The following SLC7A14 variants were observed in gnomAD, a reference collection of about 807,000 sequenced individuals.
The protein encoded by SLC7A14 is gamma-aminobutyric acid transporter SLC7A14.
SLC7A14 carries 37 observed loss-of-function variants against 60.2 expected under a neutral mutation model. That is an observed-to-expected ratio of 0.61 (90% confidence interval 0.47 to 0.81). SLC7A14 has a LOEUF of 0.81. Among genes scored for constraint, SLC7A14 ranks in the 30% least tolerant of loss-of-function variants. The pLI is 0.00. For synonymous variants in SLC7A14, 399 were observed against 395.8 expected (o/e 1.01, Z -0.10); for missense variants, 886 against 982.7 (o/e 0.90, Z 1.32).
chr3:170,559,549 C>A (rs976652361), intron 1 of SLC7A14, among the ~76,000 whole-genome samples: 1 of 152,118 alleles, frequency 6.6e-6, no homozygotes, highest in African/African-American at 2.4e-5. Context: ...GTTTCTCTGG[C>A]AAATTTATTT....
chr3:170,467,426 T>C, intron 7 of SLC7A14, 49 bp from the exon 8 acceptor site: 1 of 1,203,464 alleles, frequency 8.3e-7, no homozygotes, highest in Non-Finnish European at 1.1e-6. Flanking sequence ...TGCTTTGGGA[T>C]CCTGGGACTA....
At chr3:170,467,761 A>G (rs1406346553) in intron 7 of SLC7A14, among the ~76,000 whole-genome samples, 1 of 152,096 alleles carries the variant, frequency 6.6e-6, no homozygotes, top group Non-Finnish European at 1.5e-5. Flanking sequence ...TTACACTCAT[A>G]TAGCTGCCAG....
chr3:170,559,638 T>A (rs1714585116), intron 1 of SLC7A14, among the ~76,000 whole-genome samples: 1 of 152,222 alleles, frequency 6.6e-6, no homozygotes, highest in African/African-American at 2.4e-5. Context: ...AATGCCACAG[T>A]TTTTCTTTTA....
chr3:170,486,851 G>C (rs369587781), intron 4 of SLC7A14, among the ~76,000 whole-genome samples: 2 of 138,266 alleles, frequency 1.4e-5, no homozygotes, highest in African/African-American at 5.7e-5. Context: ...CAGCCTCGGC[G>C]ACAGAGGGAG....
At chr3:170,528,442 G>A (rs1713575731) in intron 1 of SLC7A14, among the ~76,000 whole-genome samples, 1 of 152,146 alleles carries the variant, frequency 6.6e-6, no homozygotes, top group Non-Finnish European at 1.5e-5. Context: ...TCCAAATACT[G>A]TACTGACAAG....
At chr3:170,497,140 C>T (rs1158614235) in intron 4 of SLC7A14, among the ~76,000 whole-genome samples, 3 of 143,194 alleles carry the variant, frequency 2.1e-5, no homozygotes, top group Non-Finnish European at 4.6e-5. Context: ...GAAAATGCAA[C>T]TGAGTTCCAG....
chr3:170,516,587 A>G (rs1713167180), intron 2 of SLC7A14, among the ~76,000 whole-genome samples: 2 of 151,740 alleles, frequency 1.3e-5, no homozygotes, highest in Admixed American at 6.6e-5. Context: ...ACAATAAAAT[A>G]AAATAAATAA....
intron 2 of SLC7A14, among the ~76,000 whole-genome samples, chr3:170,504,851 G>A (rs984328888): frequency 1.1e-4 from 17 of 152,280 alleles, no homozygotes; most frequent in South Asian, 6.2e-4. Context: ...AGGTGGTACT[G>A]ACTCCTAGGG....
At chr3:170,495,889 C>G in intron 4 of SLC7A14, 3 of 1,383,918 alleles carry the variant, frequency 2.2e-6, no homozygotes, top group South Asian at 2.3e-5. Context: ...CAGCTGGAGG[C>G]TCTGGGCTAG....
At chr3:170,515,626 G>T (rs1467993161) in intron 2 of SLC7A14, among the ~76,000 whole-genome samples, 1 of 149,274 alleles carries the variant, frequency 6.7e-6, no homozygotes, top group African/African-American at 2.4e-5. Context: ...ATGTGTGTTG[G>T]GGTGGGGGGG....
chr3:170,552,657 A>C (rs1714383243), intron 1 of SLC7A14, among the ~76,000 whole-genome samples: 1 of 152,200 alleles, frequency 6.6e-6, no homozygotes, highest in South Asian at 2.1e-4. Context: ...AAGACATCTC[A>C]AAAATTTCTA....
chr3:170,574,143 C>T (rs900456691), intron 1 of SLC7A14, among the ~76,000 whole-genome samples: 1 of 152,208 alleles, frequency 6.6e-6, no homozygotes, highest in Non-Finnish European at 1.5e-5. Context: ...TCTTTCCTCT[C>T]TTACTTGCTT....
chr3:170,525,236 C>CCAGA (rs1713456604), intron 2 of SLC7A14, among the ~76,000 whole-genome samples: 1 of 152,188 alleles, frequency 6.6e-6, no homozygotes, highest in South Asian at 2.1e-4. Context: ...TCAAGTTGTC[C>CCAGA]ATTGGCCTAC....
chr3:170,533,677 GT>G (rs1713747500), intron 1 of SLC7A14, among the ~76,000 whole-genome samples: 5 of 151,998 alleles, frequency 3.3e-5, no homozygotes, highest in Admixed American at 3.3e-4. Context: ...GTGTGTGTGT[GT>G]GGTGTGTGTG....
chr3:170,547,724 GAT>G (rs1277064857), intron 1 of SLC7A14, among the ~76,000 whole-genome samples: 1 of 152,044 alleles, frequency 6.6e-6, no homozygotes, highest in Admixed American at 6.6e-5. Context: ...ACAAAACTGA[GAT>G]ATTATTTTAT....
intron 7 of SLC7A14, among the ~76,000 whole-genome samples, chr3:170,471,120 T>TGTGTGTGTGTGA (rs1366429793): frequency 8.6e-5 from 13 of 151,634 alleles, no homozygotes; most frequent in African/African-American, 2.7e-4. Flanking sequence ...TGTGTGTGTG[T>TGTGTGTGTGTGA]GAGTGATTAT....
chr3:170,565,245 G>A (rs1577566729), intron 1 of SLC7A14, among the ~76,000 whole-genome samples: 1 of 152,222 alleles, frequency 6.6e-6, no homozygotes, highest in African/African-American at 2.4e-5. Flanking sequence ...TTCGCTAGCT[G>A]AGATGAGCAA....
chr3:170,582,376 G>A (rs1214458969), intron 1 of SLC7A14, among the ~76,000 whole-genome samples: 1 of 152,116 alleles, frequency 6.6e-6, no homozygotes, highest in East Asian at 1.9e-4. Context: ...TAGCCATATA[G>A]AGTTATTGAG....
At chr3:170,487,475 G>T (rs966199146) in intron 4 of SLC7A14, among the ~76,000 whole-genome samples, 2 of 151,976 alleles carry the variant, frequency 1.3e-5, no homozygotes, top group Admixed American at 1.3e-4. Context: ...ACCCATTGCA[G>T]ACTGGACCAT....
Sources: gnomAD v4.1 joint callset for allele counts (sites outside exome capture counted in the v4.1 genomes callset) on GRCh38, gnomAD v4.1.1 for gene constraint, MANE v1.5 for transcripts, NCBI Gene and HGNC (gene_info 2026-07-23, HGNC 2026-07-21) for gene names.